ANKRD31: variants seen among roughly 807,000 people sequenced by gnomAD.
The protein encoded by ANKRD31 is ankyrin repeat domain 31, also known as ankyrin repeat domain-containing protein 31.
In ANKRD31, 147 loss-of-function variants were observed where a neutral mutation model predicts 186.0. The ratio of observed to expected loss-of-function variants is 0.79; its 90% CI spans 0.69 to 0.91. ANKRD31 has a LOEUF of 0.91. ANKRD31 is among the 40% of genes least tolerant of loss of function. ANKRD31 has a pLI of 0.00. For synonymous variants in ANKRD31, 673 were observed against 736.4 expected (o/e 0.91, Z 1.39); for missense variants, 1,986 against 2,148.8 (o/e 0.92, Z 1.50).
At chr5:75,198,915 T>C (rs1755639589) in intron 6 of ANKRD31, among the ~76,000 whole-genome samples, 1 of 152,150 alleles carries the variant, frequency 6.6e-6, no homozygotes, top group African/African-American at 2.4e-5. Context: ...AAATTTTATG[T>C]TATTTCCCAT....
chr5:75,103,718 A>T (rs1747097308), intron 22 of ANKRD31, among the ~76,000 whole-genome samples: 1 of 152,188 alleles, frequency 6.6e-6, no homozygotes, highest in African/African-American at 2.4e-5. Flanking sequence ...ATGGAGCTGG[A>T]AGCCATTATC....
rs143362203 is a variant in ANKRD31, at chr5:75,171,435, CAT to C, written c.1565-2316_1565-2315del. Among the ~76,000 whole-genome samples, 692 of 151,678 alleles carry C rather than the reference CAT, an allele frequency of 4.6e-3. 5 individuals carry two copies. Among genetic ancestry groups the C allele is most frequent in the African/African-American group, 0.013 (550 of 41,470 alleles). On this transcript the variant is annotated intron_variant, in intron 10 of 25. Transcript: ENST00000506364. ...AAACTGAATTACAATGAAAATAAAA[CAT>C]ATAAAAATCTGTGAGATGCAACTAT...
At chr5:75,095,129 T>A (rs148383645) in intron 22 of ANKRD31, among the ~76,000 whole-genome samples, 16 of 152,322 alleles carry the variant, frequency 1.1e-4, no homozygotes, top group African/African-American at 3.6e-4. Context: ...AGTCCCCTTA[T>A]CTGTAATTTC....
At chr5:75,162,257 T>A (rs1752617635) in intron 11 of ANKRD31, among the ~76,000 whole-genome samples, 1 of 152,174 alleles carries the variant, frequency 6.6e-6, no homozygotes, top group Admixed American at 6.5e-5. Context: ...ACCTCTAGTA[T>A]CAGCATGACC....
chr5:75,192,819 G>A, intron 8 of ANKRD31, 43 bp from the exon 9 acceptor site: 2 of 1,373,226 alleles, frequency 1.5e-6, no homozygotes, highest in Non-Finnish European at 2.0e-6. Flanking sequence ...AACGGTTTTT[G>A]CAAACATTCA....
chr5:75,215,389 T>C (rs558760667), intron 3 of ANKRD31, among the ~76,000 whole-genome samples: 1 of 152,132 alleles, frequency 6.6e-6, no homozygotes, highest in Non-Finnish European at 1.5e-5. Context: ...AGTTGACACA[T>C]AAAATGAACC....
Position 75,192,667 on chromosome 5 carries a change from C to CT in ANKRD31, c.1407dup (p.Glu470ArgfsTer12). ...GAAAAATACTCAAAATATGCATCACCTTTTTTTCCTGAAAATTGTTCATTT... is the reference window on the plus strand; with the variant it reads ...GAAAAATACTCAAAATATGCATCACCTTTTTTTTCCTGAAAATTGTTCATTT... On this transcript the variant is annotated frameshift_variant and splice_region_variant, in exon 9 of 26. Transcript: ENST00000506364. LOFTEE classifies it high-confidence loss of function. 6.6e-7 allele frequency: 1 copy of CT among 1,520,046 alleles called. No homozygotes were observed. The highest frequency in any genetic ancestry group is 8.8e-7 in the Non-Finnish European group (1 of 1,134,526). 94.2% of individuals were successfully genotyped at this position (1,520,046 alleles called of 1,614,324 possible).
Position 75,193,343 on chromosome 5 carries a change from T to G in ANKRD31, c.1266A>C (p.Leu422=). The G allele has an allele frequency of 6.5e-7, 1 of 1,536,852 alleles. No individual in the cohort carries two copies. Among genetic ancestry groups the G allele is most frequent in the Non-Finnish European group, 8.7e-7 (1 of 1,146,664 alleles). Residue 422 remains leucine (L), a synonymous_variant, in exon 8 of 26, where the codon CTA becomes CTC. Transcript: ENST00000506364. ...ILPKILGCED[L]TNNNSSAQNF... is the part of the protein sequence containing the mutation. ...TCTGAGCTGAAGAGTTATTATTTGT[T>G]AGGTCCTCACAGCCAAGGATTTTTG...
chr5:75,082,084 GTTACCAGTTATTAATA>G (rs1258345843), intron 24 of ANKRD31, among the ~76,000 whole-genome samples: 6 of 152,112 alleles, frequency 3.9e-5, no homozygotes, highest in African/African-American at 7.2e-5. Context: ...CTGTTTTAAT[GTTACCAGTTATTAATA>G]TTACCAGTTA....
intron 10 of ANKRD31, among the ~76,000 whole-genome samples, chr5:75,175,243 C>T (rs1753696831): frequency 6.6e-6 from 1 of 152,006 alleles, no homozygotes; most frequent in Admixed American, 6.6e-5. Flanking sequence ...GGGCAGTTGC[C>T]TGGGGGAGGG....
intron 5 of ANKRD31, among the ~76,000 whole-genome samples, chr5:75,203,171 G>A (rs746015874): frequency 1.3e-5 from 2 of 152,094 alleles, no homozygotes; most frequent in East Asian, 1.9e-4. Flanking sequence ...CGAGGAGAGT[G>A]GTGACAACAG....
rs1436278092 is a variant in ANKRD31, at chr5:75,104,768, T to C, written c.4791A>G (p.Thr1597=). 3.3e-6 allele frequency: 5 copies of C among 1,537,266 alleles called. No individual in the cohort carries two copies. In the South Asian group the frequency reaches 5.9e-5, roughly 18 times the overall value. Residue 1597 remains threonine, a synonymous_variant, in exon 22 of 26, where the codon ACA becomes ACG. Coordinates refer to ENST00000506364, the MANE Select transcript of ANKRD31 (RefSeq NM_001372053.1). The stretch of plus-strand genomic sequence containing the variant: ...GTTGGGATGGTAATTTATTCTTCTC[T>C]GTGCCATCTGAATGTCTGGATTTTG... ...GFPKSRHSDG[T]EKNKLPSQPV... is the part of the protein sequence containing the mutation.
At chr5:75,153,969 CTT>C (rs1348388060) in intron 12 of ANKRD31, among the ~76,000 whole-genome samples, 1 of 152,026 alleles carries the variant, frequency 6.6e-6, no homozygotes, top group Non-Finnish European at 1.5e-5. Flanking sequence ...TTTCTTAACT[CTT>C]TGCAATGTAC....
intron 2 of ANKRD31, among the ~76,000 whole-genome samples, chr5:75,224,155 ATATATG>A (rs1205612822): frequency 0.011 from 586 of 51,652 alleles, 19 homozygotes; most frequent in African/African-American, 0.071. Flanking sequence ...ATATATATAT[ATATATG>A]TATATATATA....
chr5:75,231,179 C>G (rs1364777492), intron 1 of ANKRD31, among the ~76,000 whole-genome samples: 2 of 152,112 alleles, frequency 1.3e-5, no homozygotes, highest in East Asian at 1.9e-4. Flanking sequence ...AAGAGATCCT[C>G]CTGCCTCAGC....
chr5:75,099,065 G>A (rs182003918), intron 22 of ANKRD31, among the ~76,000 whole-genome samples: 4,890 of 152,124 alleles, frequency 0.032, 151 homozygotes, highest in African/African-American at 0.08. Context: ...TTGGCTGTGG[G>A]TTTGTCATAA....
intron 10 of ANKRD31, among the ~76,000 whole-genome samples, chr5:75,175,811 G>A (rs1443412753): frequency 6.6e-6 from 1 of 152,142 alleles, no homozygotes; most frequent in Non-Finnish European, 1.5e-5. Flanking sequence ...CGTGAGCGAT[G>A]CAGAAGACGG....
chr5:75,099,039 C>T (rs1236348226), intron 22 of ANKRD31, among the ~76,000 whole-genome samples: 2 of 152,128 alleles, frequency 1.3e-5, no homozygotes, highest in East Asian at 1.9e-4. Context: ...CCAGTTTTTG[C>T]CCATTCAGTA....
At position 75,219,252 on chromosome 5, in the gene ANKRD31, C is replaced by T. The variant is rs545440698; in HGVS notation, c.288+2997G>A. ...TATCTAGAAAACCCCATAGTCTCTG[C>T]CCAAAAGCTCCTTGAGCTGATAAGC... is the stretch of plus-strand genomic sequence containing the variant. On this transcript the variant is annotated intron_variant, in intron 3 of 25. Transcript: ENST00000506364. Among the ~76,000 whole-genome samples the T allele has an allele frequency of 5.8e-4, 89 of 152,276 alleles. 1 individual carries two copies. Among genetic ancestry groups the T allele is most frequent in the African/African-American group, 2.0e-3 (85 of 41,560 alleles).
Sources: gnomAD v4.1 joint callset for allele counts (sites outside exome capture counted in the v4.1 genomes callset) on GRCh38, gnomAD v4.1.1 for gene constraint, MANE v1.5 for transcripts, NCBI Gene and HGNC (gene_info 2026-07-23, HGNC 2026-07-21) for gene names.